The following ACOT7 variants were observed in gnomAD, a reference collection of about 807,000 sequenced individuals.
ACOT7 encodes cytosolic acyl coenzyme A thioester hydrolase.
A neutral mutation model predicts 40.2 loss-of-function variants in ACOT7; 12 were observed. The ratio of observed to expected loss-of-function variants is 0.30; its 90% CI spans 0.19 to 0.48. The LOEUF is 0.48. Ranked by LOEUF, ACOT7 falls within the 20% of genes least tolerant of loss-of-function variation. ACOT7 has a pLI of 0.99. For missense variants in ACOT7, 395 were observed against 530.8 expected, an observed-to-expected ratio of 0.74 and a Z score of 2.51; for synonymous variants, 228 against 219.5, an observed-to-expected ratio of 1.04 and a Z score of -0.34.
At chr1:6,331,174 T>G (rs3789485) in intron 4 of ACOT7, among the ~76,000 whole-genome samples, 27,967 of 151,902 alleles carry the variant, frequency 0.18, 5,277 homozygotes, top group African/African-American at 0.48. Context: ...ACGGGAGAGG[T>G]TGTTGAACCG....
At chr1:6,272,140 G>A (rs546085990) in intron 8 of ACOT7, among the ~76,000 whole-genome samples, 74 of 152,384 alleles carry the variant, frequency 4.9e-4, no homozygotes, top group African/African-American at 1.8e-3. Flanking sequence ...TCTGCTGTGC[G>A]TGTGCCCACT....
intron 8 of ACOT7, among the ~76,000 whole-genome samples, chr1:6,277,517 A>G (rs894876958): frequency 1.3e-5 from 2 of 152,160 alleles, no homozygotes; most frequent in African/African-American, 2.4e-5. Context: ...GACTCCCACC[A>G]GCCCTCTCTC....
chr1:6,335,338 A>G (rs1268642351), intron 3 of ACOT7, among the ~76,000 whole-genome samples: 8 of 151,308 alleles, frequency 5.3e-5, no homozygotes, highest in East Asian at 3.9e-4. Context: ...AAAAAAAAAA[A>G]AAAAAAAAAA....
intron 7 of ACOT7, among the ~76,000 whole-genome samples, chr1:6,283,219 A>G (rs1291070468): frequency 6.6e-6 from 1 of 152,220 alleles, no homozygotes; most frequent in African/African-American, 2.4e-5. Flanking sequence ...GCTGGAGGGC[A>G]GTGGTGCCAT....
intron 8 of ACOT7, among the ~76,000 whole-genome samples, chr1:6,267,649 T>C (rs1236077422): frequency 6.6e-6 from 1 of 152,242 alleles, no homozygotes; most frequent in Non-Finnish European, 1.5e-5. Context: ...TCAAATCTGT[T>C]TAACTTTCGC....
intron 6 of ACOT7, among the ~76,000 whole-genome samples, chr1:6,298,238 G>C (rs1177187366): frequency 6.6e-6 from 1 of 152,136 alleles, no homozygotes; most frequent in Non-Finnish European, 1.5e-5. Context: ...GGGTTCAAGC[G>C]ATTCTCCTGT....
At position 6,278,421 on chromosome 1, in the gene ACOT7, C is replaced by T. The variant is rs1639262328; in HGVS notation, c.1014+2681G>A. On this transcript the variant is annotated intron_variant, in intron 8 of 8. Transcript: ENST00000361521. This position sits in a 1 kb window ranked among gnomAD's most constrained non-coding sequence, Gnocchi z 4.1. ...GGACTGAGCAGGGGCCCCATGGGGA[C>T]GGGGCAGTAAGAGCTGTTCGGGAGA... Among the ~76,000 whole-genome samples, 3 of 151,970 alleles carry T rather than the reference C, an allele frequency of 2.0e-5. No homozygotes were observed. Among genetic ancestry groups the T allele is most frequent in the South Asian group, 2.1e-4 (1 of 4,804 alleles).
chr1:6,365,767 CAAA>C (rs57082193), intron 1 of ACOT7, among the ~76,000 whole-genome samples: 4,712 of 143,026 alleles, frequency 0.033, 83 homozygotes, highest in Non-Finnish European at 0.037. Flanking sequence ...GACCCCATCT[CAAA>C]AAAAAAAAAA....
chr1:6,318,853 C>T (rs1420730668), intron 5 of ACOT7, among the ~76,000 whole-genome samples: 1 of 152,206 alleles, frequency 6.6e-6, no homozygotes, highest in Admixed American at 6.5e-5. Context: ...CCAGGGGTAG[C>T]CATGAAACAC....
At chr1:6,336,001 G>C (rs903653503) in intron 3 of ACOT7, among the ~76,000 whole-genome samples, 1 of 152,150 alleles carries the variant, frequency 6.6e-6, no homozygotes, top group Admixed American at 6.5e-5. Context: ...CATGCTAATT[G>C]TATTTTCTCC....
At chr1:6,276,585 G>A (rs1462537598) in intron 8 of ACOT7, among the ~76,000 whole-genome samples, 4 of 152,106 alleles carry the variant, frequency 2.6e-5, no homozygotes, top group Non-Finnish European at 4.4e-5. Context: ...GAAAGCTGAC[G>A]TGGGGATGAG....
intron 3 of ACOT7, 90 bp downstream of exon 3, chr1:6,339,343 G>T: frequency 6.3e-7 from 1 of 1,575,876 alleles, no homozygotes; most frequent in Non-Finnish European, 8.7e-7. Flanking sequence ...AAGGGGCCAG[G>T]CCCTGGAGCG....
rs1156845675 is a variant in ACOT7 at position 6,358,185 on chromosome 1, G to A, written c.144-8319C>T. The stretch of plus-strand genomic sequence containing the variant: ...AGTCTGGCCCCTGCTTCTCCTCTTT[G>A]ACTTGCTGCCTAAGGCAGTTCCGGC... On this transcript the variant is annotated intron_variant, in intron 1 of 8. Transcript: ENST00000361521. The surrounding 1 kb of genome is among the most constrained non-coding windows in gnomAD (Gnocchi z 4.1). Among the ~76,000 whole-genome samples, 1 of 151,992 alleles carries A rather than the reference G, an allele frequency of 6.6e-6. No individual in the cohort carries two copies. Among genetic ancestry groups the A allele is most frequent in the African/African-American group, 2.4e-5 (1 of 41,386 alleles).
rs1453996010 is a variant in ACOT7 at position 6,301,974 on chromosome 1, C to T, written c.713-6994G>A. Among the ~76,000 whole-genome samples the T allele has an allele frequency of 6.6e-6, 1 of 152,214 alleles. No individual in the cohort carries two copies. Among genetic ancestry groups the T allele is most frequent in the African/African-American group, 2.4e-5 (1 of 41,450 alleles). On this transcript the variant is annotated intron_variant, in intron 6 of 8. Transcript: ENST00000361521. This position sits in a 1 kb window ranked among gnomAD's most constrained non-coding sequence, Gnocchi z 4.1. Reference sequence around the variant, plus strand: ...CCTGCTATGAAACAACAACTTTATACTAACGATGGAAAAGGCCAAGACTGG... The same window carrying T: ...CCTGCTATGAAACAACAACTTTATATTAACGATGGAAAAGGCCAAGACTGG...
intron 1 of ACOT7, among the ~76,000 whole-genome samples, chr1:6,378,338 C>G (rs907672770): frequency 6.6e-6 from 1 of 151,820 alleles, no homozygotes; most frequent in African/African-American, 2.4e-5. Flanking sequence ...TCCAGTCCCC[C>G]AGTGATACAT....
At chr1:6,276,995 C>G (rs535656731) in intron 8 of ACOT7, among the ~76,000 whole-genome samples, 124 of 152,204 alleles carry the variant, frequency 8.1e-4, no homozygotes, top group Non-Finnish European at 1.4e-3. Flanking sequence ...TGACCACCCC[C>G]CCCCAGGGTA....
intron 4 of ACOT7, among the ~76,000 whole-genome samples, chr1:6,332,199 G>A (rs71629783): frequency 0.013 from 1,936 of 152,278 alleles, 19 homozygotes; most frequent in South Asian, 0.023. Context: ...TATCTCAGCC[G>A]GAGGAAAAGC....
intron 2 of ACOT7, among the ~76,000 whole-genome samples, 181 bp from the exon 3 acceptor site, chr1:6,339,770 C>T (rs1444877769): frequency 4.3e-5 from 6 of 141,106 alleles, no homozygotes; most frequent in Non-Finnish European, 6.0e-5. Flanking sequence ...GATGGAGTCT[C>T]GCTCTGTCAC....
Position 6,264,345 on chromosome 1 carries a change from G to A in ACOT7, c.*252C>T, listed in dbSNP as rs545841881. 27 of 492,234 alleles carry A rather than the reference G, an allele frequency of 5.5e-5. No homozygotes were observed. Among genetic ancestry groups the A allele is most frequent in the Non-Finnish European group, 8.2e-5 (23 of 280,786 alleles). The allele number at this position is 492,234 out of a possible 1,614,324, so 30.5% of individuals were successfully genotyped here. A position where few individuals can be genotyped will look rare whatever the true frequency, so the allele number is the denominator to read the frequency against. ...CTACAGCGTGCTCGGAAGCATTCCC[G>A]AGGGTTTCTGCCCAACGCCTCCCGG... On this transcript the variant is annotated 3_prime_UTR_variant, in exon 9 of 9. Transcript: ENST00000361521.
Sources: gnomAD v4.1 joint callset for allele counts (sites outside exome capture counted in the v4.1 genomes callset) on GRCh38, gnomAD v4.1.1 for gene constraint, Gnocchi (gnomAD v3.1) non-coding constraint, MANE v1.5 for transcripts, NCBI Gene and HGNC (gene_info 2026-07-23, HGNC 2026-07-21) for gene names.